The following RALGPS1 variants were observed in gnomAD, a reference collection of about 807,000 sequenced individuals.
RALGPS1 encodes the protein ras-specific guanine nucleotide-releasing factor RalGPS1.
In RALGPS1, 19 loss-of-function variants were observed where a neutral mutation model predicts 78.8. The ratio of observed to expected loss-of-function variants is 0.24; its 90% CI spans 0.17 to 0.35. The LOEUF is 0.35. Among genes scored for constraint, RALGPS1 ranks in the 10% least tolerant of loss-of-function variants. The probability of loss-of-function intolerance (pLI) is 1.00; values close to 1 mark genes in which losing one functional copy is unlikely to be tolerated. For missense variants in RALGPS1, 454 were observed against 688.3 expected, an observed-to-expected ratio of 0.66 and a Z score of 3.81; for synonymous variants, 228 against 256.3, an observed-to-expected ratio of 0.89 and a Z score of 1.06.
At chr9:127,086,041 C>T (rs976174969) in intron 8 of RALGPS1, among the ~76,000 whole-genome samples, 31 of 152,150 alleles carry the variant, frequency 2.0e-4, no homozygotes, top group Admixed American at 1.1e-3. Flanking sequence ...GCCTCATTTC[C>T]GCCTCTTTTG....
chr9:127,100,496 T>A (rs1249440898), intron 8 of RALGPS1, among the ~76,000 whole-genome samples: 1 of 152,188 alleles, frequency 6.6e-6, no homozygotes, highest in African/African-American at 2.4e-5. Context: ...TTTAAAGACA[T>A]TTTAAAAAAG....
chr9:126,931,902 A>G (rs866531084), intron 1 of RALGPS1, among the ~76,000 whole-genome samples: 2 of 152,228 alleles, frequency 1.3e-5, no homozygotes, highest in South Asian at 4.1e-4. Context: ...GTATGTGTCC[A>G]GACATTTTTC....
At chr9:127,095,761 A>G (rs892470301) in intron 8 of RALGPS1, among the ~76,000 whole-genome samples, 2 of 152,214 alleles carry the variant, frequency 1.3e-5, no homozygotes, top group Non-Finnish European at 2.9e-5. Context: ...TTTGGGCTCA[A>G]CTAGTTCACA....
rs2057277744 is a variant in RALGPS1 at position 127,134,751 on chromosome 9, T to C, written c.611-31318T>C. On this transcript the variant is annotated intron_variant, in intron 8 of 18. Transcript: ENST00000259351. ...CAGTCTCTGTGAAACATGCTGCTTATATTAAATAAAAATAAATGTCTTACC... is the reference window on the plus strand; with the variant it reads ...CAGTCTCTGTGAAACATGCTGCTTACATTAAATAAAAATAAATGTCTTACC... Among the ~76,000 whole-genome samples, 3 of 152,354 alleles carry C rather than the reference T, an allele frequency of 2.0e-5. No homozygotes were observed. In the South Asian group the frequency reaches 6.2e-4, roughly 32 times the overall value.
intron 4 of RALGPS1, among the ~76,000 whole-genome samples, chr9:127,013,749 G>A (rs2044568995): frequency 6.6e-6 from 1 of 152,136 alleles, no homozygotes; most frequent in African/African-American, 2.4e-5. Flanking sequence ...CGTGCAGGTA[G>A]GAGTGACTTA....
intron 4 of RALGPS1, among the ~76,000 whole-genome samples, chr9:126,994,574 G>A (rs1219733860): frequency 3.4e-5 from 5 of 147,548 alleles, no homozygotes; most frequent in Admixed American, 2.7e-4. Flanking sequence ...TGAAAGTGAC[G>A]GGGAGAATGG....
chr9:127,141,275 G>C (rs549438815), intron 8 of RALGPS1, among the ~76,000 whole-genome samples: 1 of 152,240 alleles, frequency 6.6e-6, no homozygotes, highest in South Asian at 2.1e-4. Flanking sequence ...TGTAAACTCT[G>C]ACTGAAAAAG....
chr9:126,973,829 G>A (rs1310548408), intron 3 of RALGPS1, among the ~76,000 whole-genome samples: 2 of 152,110 alleles, frequency 1.3e-5, no homozygotes, highest in South Asian at 4.1e-4. Flanking sequence ...GTTACCTCAT[G>A]TAAGTGGAGT....
intron 8 of RALGPS1, chr9:127,089,206 G>C: frequency 6.5e-7 from 1 of 1,548,526 alleles, no homozygotes; most frequent in South Asian, 1.1e-5. Context: ...ATAGTGCTCA[G>C]GGCTTTCGGC....
chr9:126,916,546 C>G (rs2119428837), intron 1 of RALGPS1, among the ~76,000 whole-genome samples: 1 of 152,266 alleles, frequency 6.6e-6, no homozygotes, highest in South Asian at 2.1e-4. Flanking sequence ...TTTGGGAGGC[C>G]AAGGCGGGTG....
intron 4 of RALGPS1, among the ~76,000 whole-genome samples, chr9:127,022,887 C>A (rs2045597745): frequency 6.6e-6 from 1 of 152,196 alleles, no homozygotes; most frequent in South Asian, 2.1e-4. Context: ...ATTATGATTT[C>A]TTTAGAAATC....
chr9:126,949,666 T>G (rs889637857), intron 1 of RALGPS1, among the ~76,000 whole-genome samples: 9 of 62,832 alleles, frequency 1.4e-4, no homozygotes, highest in Non-Finnish European at 3.8e-4. Flanking sequence ...GGTTGTTTGT[T>G]TTTTTCGTGT....
chr9:127,070,651 CT>C, intron 8 of RALGPS1, among the ~76,000 whole-genome samples: 1 of 151,892 alleles, frequency 6.6e-6, no homozygotes, highest in Non-Finnish European at 1.5e-5. Context: ...AAAAATACTT[CT>C]TGTAGTTTGG....
intron 4 of RALGPS1, among the ~76,000 whole-genome samples, chr9:127,009,851 G>C (rs1203526647): frequency 6.6e-6 from 1 of 152,146 alleles, no homozygotes; most frequent in Admixed American, 6.5e-5. Flanking sequence ...CACAGCCCTG[G>C]GTTTGTTGAT....
intron 1 of RALGPS1, among the ~76,000 whole-genome samples, chr9:126,930,174 G>T (rs983335920): frequency 2.9e-5 from 4 of 140,124 alleles, no homozygotes; most frequent in African/African-American, 7.7e-5. Flanking sequence ...TTTTATTTTA[G>T]TTTTTTTTTT....
intron 8 of RALGPS1, among the ~76,000 whole-genome samples, chr9:127,115,574 A>G (rs1164969026): frequency 6.6e-6 from 1 of 152,240 alleles, no homozygotes; most frequent in Non-Finnish European, 1.5e-5. Flanking sequence ...TTGGAAGTAA[A>G]TATCACAACT....
At chr9:127,044,213 G>C (rs2135106914) in intron 5 of RALGPS1, among the ~76,000 whole-genome samples, 1 of 152,218 alleles carries the variant, frequency 6.6e-6, no homozygotes, top group South Asian at 2.1e-4. Flanking sequence ...TTCCAAAAAA[G>C]GGAGAATGAG....
chr9:127,175,163 G>A (rs755246029), intron 11 of RALGPS1, among the ~76,000 whole-genome samples: 41 of 152,360 alleles, frequency 2.7e-4, no homozygotes, highest in Non-Finnish European at 4.3e-4. Flanking sequence ...GGAGGGGTGC[G>A]GAGGATGCCC....
chr9:127,198,889 C>G (rs1470557420), intron 13 of RALGPS1, 126 bp from the exon 14 acceptor site: 1 of 830,160 alleles, frequency 1.2e-6, no homozygotes, highest in African/African-American at 1.7e-5. Flanking sequence ...CGTTGAGGCT[C>G]CCAATGTCAG....
Sources: allele counts gnomAD v4.1 joint callset (sites outside exome capture counted in the v4.1 genomes callset), GRCh38; gene constraint gnomAD v4.1.1; transcripts MANE v1.5; gene names NCBI Gene and HGNC (gene_info 2026-07-23, HGNC 2026-07-21).